The following CDH20 variants were observed in gnomAD, a reference collection of about 807,000 sequenced individuals.
The protein encoded by CDH20 is cadherin-20.
In CDH20, 29 loss-of-function variants were observed where a neutral mutation model predicts 74.2. That is an observed-to-expected ratio of 0.39 (90% CI 0.29 to 0.53). CDH20 has a LOEUF of 0.53. Among genes scored for constraint, CDH20 ranks in the 20% least tolerant of loss-of-function variants. CDH20 has a pLI of 0.69. For synonymous variants in CDH20, 469 were observed against 405.4 expected, an observed-to-expected ratio of 1.16 and a Z score of -1.88; for missense variants, 988 against 1,048.3, an observed-to-expected ratio of 0.94 and a Z score of 0.79.
intron 1 of CDH20, among the ~76,000 whole-genome samples, chr18:61,417,662 T>G (rs1352386732): frequency 7.2e-6 from 1 of 139,338 alleles, no homozygotes; most frequent in Non-Finnish European, 1.5e-5. Context: ...GGAAGGGTAG[T>G]GTGGAGGGGG....
At chr18:61,448,584 C>T (rs1471644426) in intron 1 of CDH20, among the ~76,000 whole-genome samples, 1 of 152,178 alleles carries the variant, frequency 6.6e-6, no homozygotes. Flanking sequence ...TGCTCTTCTA[C>T]AGTCAGTCAC....
chr18:61,410,550 GA>G (rs941481997), intron 1 of CDH20, among the ~76,000 whole-genome samples: 37 of 152,206 alleles, frequency 2.4e-4, no homozygotes, highest in Admixed American at 2.2e-3. Context: ...CCAGATAGCA[GA>G]ACACGTTATA....
intron 4 of CDH20, among the ~76,000 whole-genome samples, 155 bp downstream of exon 4, chr18:61,500,657 C>A (rs1428134210): frequency 6.6e-6 from 1 of 152,194 alleles, no homozygotes; most frequent in Non-Finnish European, 1.5e-5. Flanking sequence ...AGCAAACTAG[C>A]ACTGCCCTGA....
At chr18:61,536,712 A>G in intron 8 of CDH20, 83 bp downstream of exon 8, 2 of 1,231,772 alleles carry the variant, frequency 1.6e-6, no homozygotes, top group Non-Finnish European at 2.3e-6. Flanking sequence ...ACTTGTTGTA[A>G]CAAAAATTAT....
chr18:61,486,261 T>C (rs917793050), intron 1 of CDH20, among the ~76,000 whole-genome samples: 4 of 152,136 alleles, frequency 2.6e-5, no homozygotes, highest in Non-Finnish European at 1.5e-5. Flanking sequence ...TGGACTTTGG[T>C]CAGTAGCAGA....
intron 1 of CDH20, among the ~76,000 whole-genome samples, chr18:61,431,142 G>A (rs1235457044): frequency 2.0e-5 from 3 of 152,088 alleles, no homozygotes; most frequent in South Asian, 2.1e-4. Context: ...GTTCTTTCTA[G>A]CATCCCATGT....
At chr18:61,413,535 G>C (rs1912582139) in intron 1 of CDH20, among the ~76,000 whole-genome samples, 1 of 152,098 alleles carries the variant, frequency 6.6e-6, no homozygotes, top group Admixed American at 6.5e-5. Context: ...CCATCCAAGG[G>C]TTTCTTTCTG....
chr18:61,435,970 T>A (rs962489637), intron 1 of CDH20, among the ~76,000 whole-genome samples: 6 of 152,150 alleles, frequency 3.9e-5, no homozygotes, highest in African/African-American at 1.4e-4. Flanking sequence ...ACCACTAATC[T>A]ACTTTCTGCA....
At chr18:61,377,400 TA>T (rs1167192310) in intron 1 of CDH20, among the ~76,000 whole-genome samples, 1 of 151,934 alleles carries the variant, frequency 6.6e-6, no homozygotes, top group African/African-American at 2.4e-5. Flanking sequence ...ACTGAAACAT[TA>T]GACCTGGCCA....
chr18:61,387,255 C>A (rs1180453708), intron 1 of CDH20, among the ~76,000 whole-genome samples: 2 of 152,182 alleles, frequency 1.3e-5, no homozygotes, highest in Non-Finnish European at 2.9e-5. Context: ...AGCTCTGGAG[C>A]CCAGCTTTCT....
intron 1 of CDH20, among the ~76,000 whole-genome samples, chr18:61,459,931 G>A (rs913380887): frequency 1.3e-5 from 2 of 152,140 alleles, no homozygotes; most frequent in African/African-American, 2.4e-5. Context: ...TTGGTGTCTG[G>A]GGAAGGAGAG....
intron 1 of CDH20, among the ~76,000 whole-genome samples, chr18:61,459,390 T>A (rs926952805): frequency 6.6e-6 from 1 of 152,176 alleles, no homozygotes; most frequent in Admixed American, 6.5e-5. Context: ...AGTTAGTGCA[T>A]CTCGTGGGGA....
intron 6 of CDH20, among the ~76,000 whole-genome samples, chr18:61,512,081 A>C (rs867126045): frequency 1.3e-5 from 2 of 152,148 alleles, no homozygotes; most frequent in South Asian, 4.1e-4. Flanking sequence ...CTTTTGATTT[A>C]TTTCCCTTAG....
At chr18:61,341,107 C>T (rs544820353) in intron 1 of CDH20, among the ~76,000 whole-genome samples, 19 of 152,294 alleles carry the variant, frequency 1.2e-4, no homozygotes, top group African/African-American at 4.1e-4. Flanking sequence ...TCTCCGTACC[C>T]ACCTCCCACA....
At chr18:61,378,490 G>A (rs1054790991) in intron 1 of CDH20, among the ~76,000 whole-genome samples, 10 of 152,150 alleles carry the variant, frequency 6.6e-5, no homozygotes, top group South Asian at 2.1e-4. Flanking sequence ...GCCTGCTCGC[G>A]TTGGACAGAG....
At chr18:61,449,048 A>G (rs1022423303) in intron 1 of CDH20, among the ~76,000 whole-genome samples, 1 of 152,168 alleles carries the variant, frequency 6.6e-6, no homozygotes, top group Non-Finnish European at 1.5e-5. Flanking sequence ...TGCCCCATTT[A>G]TATTTTGCTT....
intron 1 of CDH20, among the ~76,000 whole-genome samples, chr18:61,467,447 G>A (rs952175958): frequency 1.3e-5 from 2 of 152,056 alleles, no homozygotes; most frequent in African/African-American, 4.8e-5. Flanking sequence ...TTACTAACAA[G>A]CTTCCATTTC....
intron 1 of CDH20, among the ~76,000 whole-genome samples, chr18:61,471,074 G>T (rs1035990097): frequency 1.3e-5 from 2 of 152,124 alleles, no homozygotes; most frequent in Non-Finnish European, 2.9e-5. Context: ...TGAAAAAGAG[G>T]TCATTTAAGA....
At chr18:61,486,454 A>C (rs1910766052) in intron 1 of CDH20, among the ~76,000 whole-genome samples, 1 of 152,094 alleles carries the variant, frequency 6.6e-6, no homozygotes, top group African/African-American at 2.4e-5. Flanking sequence ...GGGGTTTTGT[A>C]CTCTATACAA....
Sources: gnomAD v4.1 joint callset for allele counts (sites outside exome capture counted in the v4.1 genomes callset) on GRCh38, gnomAD v4.1.1 for gene constraint, MANE v1.5 for transcripts, NCBI Gene and HGNC (gene_info 2026-07-23, HGNC 2026-07-21) for gene names.